The following CCSER1 variants were observed in gnomAD, a reference collection of about 807,000 sequenced individuals.
The protein encoded by CCSER1 is serine-rich coiled-coil domain-containing protein 1.
CCSER1 carries 41 observed loss-of-function variants against 82.0 expected under a neutral mutation model. The observed-to-expected ratio is 0.50, with a 90% confidence interval of 0.39 to 0.65. The LOEUF is 0.65. Among genes scored for constraint, CCSER1 ranks in the 30% least tolerant of loss-of-function variants. The pLI is 0.00. For missense variants in CCSER1, 1,119 were observed against 1,064.2 expected, an observed-to-expected ratio of 1.05 and a Z score of -0.72; for synonymous variants, 414 against 383.9, an observed-to-expected ratio of 1.08 and a Z score of -0.92.
intron 10 of CCSER1, among the ~76,000 whole-genome samples, chr4:91,411,077 T>C (rs1752994411): frequency 6.6e-6 from 1 of 151,970 alleles, no homozygotes; most frequent in Non-Finnish European, 1.5e-5. Context: ...ATTTTATAAA[T>C]TTTCCTATAA....
intron 4 of CCSER1, among the ~76,000 whole-genome samples, chr4:90,432,296 T>C (rs1578437077): frequency 1.3e-5 from 2 of 152,242 alleles, no homozygotes; most frequent in South Asian, 4.1e-4. Context: ...AAATGAGAGA[T>C]GGGCTTAGCT....
chr4:91,101,462 C>T (rs1481376702), intron 10 of CCSER1, among the ~76,000 whole-genome samples: 1 of 152,052 alleles, frequency 6.6e-6, no homozygotes, highest in Non-Finnish European at 1.5e-5. Context: ...ATGGTGAAAC[C>T]CTGTCTCTCC....
intron 10 of CCSER1, among the ~76,000 whole-genome samples, chr4:91,587,638 G>A (rs568904464): frequency 2.5e-4 from 38 of 151,724 alleles, no homozygotes; most frequent in African/African-American, 8.7e-4. Flanking sequence ...GAGATTTGCC[G>A]AAATATAACA....
intron 3 of CCSER1, among the ~76,000 whole-genome samples, chr4:90,392,269 T>C (rs1561154293): frequency 6.6e-6 from 1 of 152,036 alleles, no homozygotes; most frequent in African/African-American, 2.4e-5. Flanking sequence ...TTTATTCCCA[T>C]GCACACATTA....
intron 8 of CCSER1, among the ~76,000 whole-genome samples, chr4:90,857,378 T>G (rs1764572639): frequency 6.6e-6 from 1 of 152,062 alleles, no homozygotes; most frequent in South Asian, 2.1e-4. Context: ...TCTCTCCATA[T>G]GTAACGGACA....
At chr4:91,143,081 T>G (rs1179826599) in intron 10 of CCSER1, among the ~76,000 whole-genome samples, 1 of 152,128 alleles carries the variant, frequency 6.6e-6, no homozygotes, top group Non-Finnish European at 1.5e-5. Context: ...GTAGGGCCAT[T>G]TTAAGGACAT....
chr4:91,134,347 G>C (rs1197716923), intron 10 of CCSER1, among the ~76,000 whole-genome samples: 1 of 151,566 alleles, frequency 6.6e-6, no homozygotes, highest in African/African-American at 2.4e-5. Flanking sequence ...AGTGAGCTTT[G>C]ATCATGCCAC....
rs114815435 is a variant in CCSER1, at chr4:90,757,233, T to C, written c.2010+33242T>C. Among the ~76,000 whole-genome samples the C allele has an allele frequency of 3.1e-3, 476 of 152,280 alleles. 1 individual carries two copies. The highest frequency in any genetic ancestry group is 0.011 in the African/African-American group (441 of 41,566). The stretch of plus-strand genomic sequence containing the variant: ...CCCATTCTATAAAATAGAGTAGGTG[T>C]TCCAATTAGCTGAGAAAAGGAGTTT... On this transcript the variant is annotated intron_variant, in intron 7 of 10. Coordinates refer to ENST00000509176, the MANE Select transcript of CCSER1 (RefSeq NM_001145065.2).
intron 10 of CCSER1, among the ~76,000 whole-genome samples, chr4:91,416,376 A>G (rs1449587081): frequency 1.3e-5 from 2 of 152,152 alleles, no homozygotes; most frequent in African/African-American, 4.8e-5. Flanking sequence ...AGATGGAACC[A>G]AAAAAGAGCC....
At chr4:90,384,714 C>G (rs1749748797) in intron 3 of CCSER1, among the ~76,000 whole-genome samples, 1 of 152,134 alleles carries the variant, frequency 6.6e-6, no homozygotes, top group African/African-American at 2.4e-5. Flanking sequence ...ACTAATGGAC[C>G]AGGCTTACAC....
chr4:90,934,625 T>G (rs1730689028), intron 9 of CCSER1, among the ~76,000 whole-genome samples: 1 of 152,010 alleles, frequency 6.6e-6, no homozygotes, highest in East Asian at 1.9e-4. Context: ...AAAAAGAAGA[T>G]GCTATTAAAA....
chr4:90,740,881 C>A (rs1234859106), intron 7 of CCSER1, among the ~76,000 whole-genome samples: 1 of 152,054 alleles, frequency 6.6e-6, no homozygotes, highest in African/African-American at 2.4e-5. Flanking sequence ...TCAAAGGATT[C>A]ATTTAAGAAA....
At chr4:91,023,799 T>C (rs1230692674) in intron 9 of CCSER1, among the ~76,000 whole-genome samples, 4 of 152,200 alleles carry the variant, frequency 2.6e-5, no homozygotes, top group African/African-American at 4.8e-5. Context: ...AAAGCCAAAA[T>C]TGACAAATAT....
chr4:90,437,281 A>G (rs944342224), intron 4 of CCSER1, among the ~76,000 whole-genome samples: 1 of 152,022 alleles, frequency 6.6e-6, no homozygotes, highest in African/African-American at 2.4e-5. Flanking sequence ...GCGCGCGCAC[A>G]CACACACATA....
rs57164334 is a variant in CCSER1 at position 91,297,385 on chromosome 4, ATGTGTGTGTGTGTGTG to A, written c.2217+211415_2217+211430del. On this transcript the variant is annotated intron_variant, in intron 10 of 10. Coordinates refer to ENST00000509176, the MANE Select transcript of CCSER1 (RefSeq NM_001145065.2). ...GATGCTTGTGTGTGTGTGTGTGTGT[ATGTGTGTGTGTGTGTG>A]TGTGTGTGTGTGTGTGTGTGTGTTA... is the stretch of plus-strand genomic sequence containing the variant. 3.5e-4 allele frequency among the ~76,000 whole-genome samples: 41 copies of A among 118,066 alleles called. 1 individual carries two copies. Among genetic ancestry groups the A allele is most frequent in the South Asian group, 7.7e-4 (3 of 3,912 alleles). 77.5% of individuals were successfully genotyped at this position (118,066 alleles called of 152,430 possible).
At chr4:91,348,782 T>C (rs1208474726) in intron 10 of CCSER1, among the ~76,000 whole-genome samples, 1 of 152,170 alleles carries the variant, frequency 6.6e-6, no homozygotes, top group Non-Finnish European at 1.5e-5. Context: ...CATCCAGTGG[T>C]TCAGTAATGA....
At chr4:90,311,035 C>T (rs1735199078) in intron 2 of CCSER1, among the ~76,000 whole-genome samples, 1 of 151,806 alleles carries the variant, frequency 6.6e-6, no homozygotes. Context: ...TGATGGTTAC[C>T]CTTTTGTATA....
chr4:91,363,375 G>A (rs1345992639), intron 10 of CCSER1, among the ~76,000 whole-genome samples: 4 of 151,298 alleles, frequency 2.6e-5, no homozygotes. Context: ...GTGTGTGTGT[G>A]TGTGTGTGTG....
At chr4:91,454,179 G>A (rs917879209) in intron 10 of CCSER1, among the ~76,000 whole-genome samples, 4 of 151,982 alleles carry the variant, frequency 2.6e-5, no homozygotes, top group Admixed American at 6.6e-5. Context: ...AACAATACAC[G>A]TTTATTCTCT....
Sources: allele counts gnomAD v4.1 joint callset (sites outside exome capture counted in the v4.1 genomes callset), GRCh38; gene constraint gnomAD v4.1.1; transcripts MANE v1.5; gene names NCBI Gene and HGNC (gene_info 2026-07-23, HGNC 2026-07-21).